ADAMTS6: variants seen among roughly 807,000 people sequenced by gnomAD.
ADAMTS6 encodes the protein A disintegrin and metalloproteinase with thrombospondin motifs 6.
In ADAMTS6, 23 loss-of-function variants were observed where a neutral mutation model predicts 144.3. That is an observed-to-expected ratio of 0.16 (90% CI 0.11 to 0.23). The LOEUF (loss-of-function observed/expected upper bound fraction) is 0.23, where lower values mean the gene tolerates loss of function less well. ADAMTS6 is among the 10% of genes least tolerant of loss of function. The pLI is 1.00. For missense variants in ADAMTS6, 999 were observed against 1,379.6 expected (o/e 0.72, Z 4.37); for synonymous variants, 444 against 457.5 (o/e 0.97, Z 0.38).
intron 7 of ADAMTS6, among the ~76,000 whole-genome samples, chr5:65,398,833 AAAGAAAGAAAGAAAG>A (rs1420126025): frequency 1.4e-5 from 2 of 146,068 alleles, no homozygotes; most frequent in African/African-American, 5.4e-5. Flanking sequence ...AGAAAGAAAG[AAAGAAAGAAAGAAAG>A]AAAAAGAAAG....
chr5:65,452,121 A>C lies in ADAMTS6; in HGVS notation c.927+12T>G. 2.5e-6 allele frequency: 4 copies of C among 1,597,970 alleles called. No individual in the cohort carries two copies. Among genetic ancestry groups the C allele is most frequent in the Non-Finnish European group, 3.4e-6 (4 of 1,169,746 alleles). On this transcript the variant is annotated intron_variant, in intron 6 of 24. Transcript: ENST00000381055. The stretch of plus-strand genomic sequence containing the variant: ...TTAACAATCTTAGATATATAAACTA[A>C]CTCATTCTTACCTGATCTTCTGTGA...
intron 11 of ADAMTS6, among the ~76,000 whole-genome samples, chr5:65,276,959 GAATT>G (rs1285489625): frequency 6.6e-6 from 1 of 152,132 alleles, no homozygotes; most frequent in African/African-American, 2.4e-5. Context: ...TAACCTCTGT[GAATT>G]AATAAATCAG....
chr5:65,327,857 A>G (rs1469944689), intron 9 of ADAMTS6, among the ~76,000 whole-genome samples: 5 of 152,238 alleles, frequency 3.3e-5, no homozygotes, highest in Non-Finnish European at 7.3e-5. Flanking sequence ...GTGTTTTCAC[A>G]TACACAGTGT....
intron 23 of ADAMTS6, 94 bp from the exon 24 acceptor site, chr5:65,170,867 G>GA: frequency 1.5e-6 from 2 of 1,357,194 alleles, no homozygotes; most frequent in Non-Finnish European, 2.0e-6. Context: ...AACACAATAT[G>GA]AACTTTTTTT....
intron 14 of ADAMTS6, among the ~76,000 whole-genome samples, chr5:65,259,497 T>C (rs1760981227): frequency 6.6e-6 from 1 of 152,142 alleles, no homozygotes; most frequent in African/African-American, 2.4e-5. Context: ...CGGAAGCCTA[T>C]TGAAAGTGAA....
chr5:65,303,124 G>A (rs1006550447), intron 9 of ADAMTS6, among the ~76,000 whole-genome samples: 3 of 152,106 alleles, frequency 2.0e-5, no homozygotes, highest in Non-Finnish European at 4.4e-5. Flanking sequence ...GTAGTTTCCA[G>A]TTCCTCACTT....
chr5:65,392,399 C>T lies in ADAMTS6; in HGVS notation c.1074-58314G>A, dbSNP rs185438453. ...CTTTATCATGGTGATTTTTCAACTC[C>T]AGGTCTCTCTATATATTAATACTAG... On this transcript the variant is annotated intron_variant, in intron 7 of 24. Transcript: ENST00000381055. Among the ~76,000 whole-genome samples the T allele has an allele frequency of 8.1e-4, 124 of 152,232 alleles. 2 individuals are homozygous for T. Among genetic ancestry groups the T allele is most frequent in the African/African-American group, 2.9e-3 (120 of 41,544 alleles).
intron 3 of ADAMTS6, 35 bp from the exon 4 acceptor site, chr5:65,460,373 G>A: frequency 1.3e-6 from 2 of 1,534,212 alleles, no homozygotes; most frequent in Non-Finnish European, 1.8e-6. Context: ...TTACCAAAGA[G>A]AATCATTTTA....
intron 7 of ADAMTS6, among the ~76,000 whole-genome samples, chr5:65,391,219 C>CTTGT (rs370269447): frequency 1.3e-5 from 2 of 151,850 alleles, no homozygotes; most frequent in South Asian, 4.2e-4. Flanking sequence ...GAAGCCTGGC[C>CTTGT]TTGTTTGTTT....
chr5:65,174,983 G>A (rs1260840068), intron 22 of ADAMTS6, among the ~76,000 whole-genome samples: 1 of 152,132 alleles, frequency 6.6e-6, no homozygotes, highest in African/African-American at 2.4e-5. Flanking sequence ...TTAGAGGTGG[G>A]TTGGCCATCA....
chr5:65,170,230 G>A (rs1241648705), intron 24 of ADAMTS6, among the ~76,000 whole-genome samples: 1 of 152,156 alleles, frequency 6.6e-6, no homozygotes, highest in Non-Finnish European at 1.5e-5. Context: ...TAAATCTTCA[G>A]AATGATAGAG....
chr5:65,203,127 C>T (rs969477395), intron 20 of ADAMTS6, among the ~76,000 whole-genome samples: 2 of 152,034 alleles, frequency 1.3e-5, no homozygotes, highest in African/African-American at 4.8e-5. Context: ...TGTACCAGTG[C>T]GAGGTACATG....
chr5:65,426,090 A>G (rs982227821), intron 7 of ADAMTS6, among the ~76,000 whole-genome samples: 1 of 145,682 alleles, frequency 6.9e-6, no homozygotes, highest in Non-Finnish European at 1.5e-5. Context: ...CTTGTCTCCC[A>G]GGCTAGAGTG....
chr5:65,170,322 A>C (rs187352875), intron 24 of ADAMTS6, among the ~76,000 whole-genome samples: 1 of 152,362 alleles, frequency 6.6e-6, no homozygotes, highest in East Asian at 1.9e-4. Context: ...GTCCTACTAT[A>C]AATCAAACTT....
chr5:65,457,106 GT>G (rs1226196695), intron 4 of ADAMTS6, among the ~76,000 whole-genome samples: 1 of 151,198 alleles, frequency 6.6e-6, no homozygotes, highest in African/African-American at 2.5e-5. Context: ...AACACAAAAC[GT>G]TTTTTTTCCC....
rs535698341 is a variant in ADAMTS6, at chr5:65,187,126, T to C, written c.2910+890A>G. Among the ~76,000 whole-genome samples, 13 of 152,330 alleles carry C rather than the reference T, an allele frequency of 8.5e-5. No homozygotes were observed. In the East Asian group the frequency reaches 2.1e-3, roughly 25 times the overall value. On this transcript the variant is annotated intron_variant, in intron 22 of 24. Transcript: ENST00000381055. The stretch of plus-strand genomic sequence containing the variant: ...TGAGATGCATCCTGTTTTGCTAACT[T>C]GAAAGAAATATCTCTGGTTATATAG...
intron 9 of ADAMTS6, among the ~76,000 whole-genome samples, chr5:65,313,697 A>G (rs1744718686): frequency 1.3e-5 from 2 of 152,138 alleles, no homozygotes; most frequent in African/African-American, 4.8e-5. Context: ...ATGGCACTAT[A>G]TAGCTTTGAA....
chr5:65,150,839 G>A lies in ADAMTS6; in HGVS notation c.*997C>T, dbSNP rs938445367. On this transcript the variant is annotated 3_prime_UTR_variant, in exon 25 of 25. Coordinates refer to ENST00000381055, the MANE Select transcript of ADAMTS6 (RefSeq NM_197941.4). ...ACCGAGCCAGTCTATCTTTTGCATG[G>A]TATCATCTCAGTAAGCTCAACACAC... is the stretch of plus-strand genomic sequence containing the variant. 1.3e-5 allele frequency: 2 copies of A among 152,610 alleles called. No homozygotes were observed. Among genetic ancestry groups the A allele is most frequent in the African/African-American group, 4.8e-5 (2 of 41,442 alleles). 9.5% of individuals were successfully genotyped at this position (152,610 alleles called of 1,614,324 possible).
intron 7 of ADAMTS6, among the ~76,000 whole-genome samples, chr5:65,441,394 G>A (rs1201674306): frequency 6.6e-6 from 1 of 151,964 alleles, no homozygotes; most frequent in Non-Finnish European, 1.5e-5. Flanking sequence ...GGCAAGAAGG[G>A]CAAAACCAAA....
Sources: gnomAD v4.1 joint callset for allele counts (sites outside exome capture counted in the v4.1 genomes callset) on GRCh38, gnomAD v4.1.1 for gene constraint, MANE v1.5 for transcripts, NCBI Gene and HGNC (gene_info 2026-07-23, HGNC 2026-07-21) for gene names.